The following RPH3A variants were observed in gnomAD, a reference collection of about 807,000 sequenced individuals.
RPH3A encodes rabphilin-3A.
A neutral mutation model predicts 102.2 loss-of-function variants in RPH3A; 48 were observed. That is an observed-to-expected ratio of 0.47 (90% confidence interval 0.37 to 0.60). RPH3A has a LOEUF of 0.60. Among genes scored for constraint, RPH3A ranks in the 20% least tolerant of loss-of-function variants. RPH3A has a pLI of 0.00. For synonymous variants in RPH3A, 310 were observed against 324.3 expected (o/e 0.96, Z 0.47); for missense variants, 781 against 910.1 (o/e 0.86, Z 1.83).
intron 1 of RPH3A, among the ~76,000 whole-genome samples, chr12:112,678,230 G>T (rs1375443475): frequency 7.7e-6 from 1 of 130,054 alleles, no homozygotes; most frequent in Non-Finnish European, 1.6e-5. Flanking sequence ...GCAAGACCCT[G>T]TCGAAAGAAA....
intron 1 of RPH3A, among the ~76,000 whole-genome samples, chr12:112,667,663 AGAGAGAGAGAGAGAG>A (rs1566250115): frequency 6.8e-4 from 1 of 1,464 alleles, no homozygotes; most frequent in Non-Finnish European, 1.2e-3. Context: ...AGATGAATAA[AGAGAGAGAGAGAGAG>A]AGAGAGAGAG....
intron 1 of RPH3A, among the ~76,000 whole-genome samples, chr12:112,598,322 C>T (rs191611880): frequency 9.7e-4 from 148 of 152,284 alleles, no homozygotes; most frequent in African/African-American, 3.4e-3. Context: ...AGAGAACAGA[C>T]GTTGTCAATT....
chr12:112,894,050 G>A (rs2043141508), intron 19 of RPH3A: 1 of 156,042 alleles, frequency 6.4e-6, no homozygotes, highest in African/African-American at 2.4e-5. Flanking sequence ...ACTCTCCCCT[G>A]AGTTTAAAAG....
At chr12:112,707,398 G>A (rs888604813) in intron 1 of RPH3A, among the ~76,000 whole-genome samples, 2 of 152,138 alleles carry the variant, frequency 1.3e-5, no homozygotes, top group African/African-American at 4.8e-5. Context: ...AACCCCTTTA[G>A]TTAGGTAGTT....
chr12:112,730,951 C>A (rs2040629093), intron 1 of RPH3A, among the ~76,000 whole-genome samples: 1 of 152,214 alleles, frequency 6.6e-6, no homozygotes, highest in African/African-American at 2.4e-5. Flanking sequence ...TTGTAGGCTG[C>A]TACAGCCTCC....
At chr12:112,654,069 C>T (rs902225216) in intron 1 of RPH3A, among the ~76,000 whole-genome samples, 7 of 152,308 alleles carry the variant, frequency 4.6e-5, no homozygotes, top group South Asian at 2.1e-4. Context: ...AGAACTTGCA[C>T]GGAGCTGTCC....
Position 112,881,754 on chromosome 12 carries a change from T to G in RPH3A, c.1252-18T>G. ...GGCCCTCCTGAGGCCCTCACACCAT[T>G]GCCTCCTTCTCTTGCAGGGCCTGAA... On this transcript the variant is annotated intron_variant, in intron 14 of 21. Coordinates refer to ENST00000389385, the MANE Select transcript of RPH3A (RefSeq NM_001143854.2). 2.5e-6 allele frequency: 4 copies of G among 1,597,620 alleles called. No homozygotes were observed. Among genetic ancestry groups the G allele is most frequent in the Non-Finnish European group, 3.4e-6 (4 of 1,167,912 alleles).
At chr12:112,694,943 C>G in intron 1 of RPH3A, 1 of 170,262 alleles carries the variant, frequency 5.9e-6, no homozygotes. Context: ...TTCCCTTCTG[C>G]TGTCTGAGTT....
chr12:112,777,509 A>G (rs926701530), intron 1 of RPH3A, among the ~76,000 whole-genome samples: 4 of 152,202 alleles, frequency 2.6e-5, no homozygotes, highest in African/African-American at 9.6e-5. Flanking sequence ...GCAGCGATCT[A>G]TTTAAAGAAC....
chr12:112,583,291 C>A (rs2039413451), intron 1 of RPH3A, among the ~76,000 whole-genome samples: 1 of 152,200 alleles, frequency 6.6e-6, no homozygotes, highest in Non-Finnish European at 1.5e-5. Context: ...TCCATCCTTA[C>A]AACAGCCCCT....
intron 1 of RPH3A, among the ~76,000 whole-genome samples, chr12:112,773,448 T>C (rs1457716473): frequency 6.6e-6 from 1 of 152,132 alleles, no homozygotes; most frequent in Non-Finnish European, 1.5e-5. Context: ...TTATTTGTTT[T>C]TTTTTCTCAC....
chr12:112,788,006 C>G (rs773727102), upstream of RPH3A, among the ~76,000 whole-genome samples: 1 of 152,244 alleles, frequency 6.6e-6, no homozygotes, highest in Non-Finnish European at 1.5e-5. Flanking sequence ...CCTGGCCGGG[C>G]TCAGCCTTGA....
intron 1 of RPH3A, among the ~76,000 whole-genome samples, chr12:112,769,817 C>G (rs1270420138): frequency 6.6e-6 from 1 of 152,146 alleles, no homozygotes; most frequent in Non-Finnish European, 1.5e-5. Flanking sequence ...ACAAGTAATA[C>G]AGAAATACAT....
At chr12:112,855,493 TC>T (rs2042396127) in intron 5 of RPH3A, among the ~76,000 whole-genome samples, 1 of 152,124 alleles carries the variant, frequency 6.6e-6, no homozygotes, top group South Asian at 2.1e-4. Flanking sequence ...GTGACCTCCT[TC>T]CCCAAAGTGC....
chr12:112,621,713 A>C (rs2039727964), intron 1 of RPH3A, among the ~76,000 whole-genome samples: 1 of 152,126 alleles, frequency 6.6e-6, no homozygotes, highest in Non-Finnish European at 1.5e-5. Context: ...ACCACAGTTC[A>C]AGGAGGCCTG....
In RPH3A at chr12:112,898,450, CG is replaced by C. The variant is rs1302819664; in HGVS notation, c.*1671del. On this transcript the variant is annotated 3_prime_UTR_variant, in exon 22 of 22. Coordinates refer to ENST00000389385, the MANE Select transcript of RPH3A (RefSeq NM_001143854.2). ...CAAATCACATCTCTTAACTTTTCAA[CG>C]CCCTCCACCCTCAGCTCCCTGCACA... 1 of 152,320 alleles carries C rather than the reference CG, an allele frequency of 6.6e-6. No homozygotes were observed. Among genetic ancestry groups the C allele is most frequent in the South Asian group, 2.1e-4 (1 of 4,818 alleles). 9.4% of individuals were successfully genotyped at this position (152,320 alleles called of 1,614,324 possible). A position where few individuals can be genotyped will look rare whatever the true frequency, so the allele number is the denominator to read the frequency against.
At position 112,794,317 on chromosome 12, in the gene RPH3A, G is replaced by A. The variant is rs73425095; in HGVS notation, c.-19+2054G>A. On this transcript the variant is annotated intron_variant, in intron 2 of 21. Transcript: ENST00000389385. ...CTGGGGTTCTCTGACTATGAGATAG[G>A]TATGTGTGTGAGTGTGAGTGACTGC... is the stretch of plus-strand genomic sequence containing the variant. 7.1e-3 allele frequency among the ~76,000 whole-genome samples: 1,085 copies of A among 152,332 alleles called. 14 individuals carry two copies. The highest frequency in any genetic ancestry group is 0.025 in the African/African-American group (1,026 of 41,568).
chr12:112,797,699 T>G (rs923818492), intron 2 of RPH3A, among the ~76,000 whole-genome samples: 7 of 152,036 alleles, frequency 4.6e-5, no homozygotes, highest in East Asian at 1.9e-4. Context: ...AAAAAAAATT[T>G]TTTTTTTTTT....
chr12:112,790,740 C>T (rs546391079), upstream of RPH3A, among the ~76,000 whole-genome samples: 14 of 152,180 alleles, frequency 9.2e-5, no homozygotes, highest in South Asian at 2.1e-4. Context: ...CTGGATCTTT[C>T]GGGGAAGGCT....
Sources: gnomAD v4.1 joint callset for allele counts (sites outside exome capture counted in the v4.1 genomes callset) on GRCh38, gnomAD v4.1.1 for gene constraint, MANE v1.5 for transcripts, NCBI Gene and HGNC (gene_info 2026-07-23, HGNC 2026-07-21) for gene names.